INVS: variants seen among roughly 807,000 people sequenced by gnomAD.
The protein encoded by INVS is inversion of embryo turning homolog.
A neutral mutation model predicts 108.8 loss-of-function variants in INVS; 86 were observed. The observed-to-expected ratio is 0.79, with a 90% CI of 0.66 to 0.95. INVS has a LOEUF of 0.95. INVS is among the 40% of genes least tolerant of loss of function. INVS has a pLI of 0.00. For missense variants in INVS, 1,169 were observed against 1,297.4 expected (o/e 0.90, Z 1.52); for synonymous variants, 455 against 473.5 (o/e 0.96, Z 0.51).
chr9:100,260,730 GTGGGGGAAGCT>G (rs927089521), intron 10 of INVS, among the ~76,000 whole-genome samples: 1 of 152,158 alleles, frequency 6.6e-6, no homozygotes, highest in Non-Finnish European at 1.5e-5. Flanking sequence ...GATAACAACA[GTGGGGGAAGCT>G]TGGGGGGAGA....
intron 3 of INVS, among the ~76,000 whole-genome samples, chr9:100,218,338 T>C (rs1386502617): frequency 6.6e-6 from 1 of 152,134 alleles, no homozygotes; most frequent in African/African-American, 2.4e-5. Context: ...AGTATTGGTT[T>C]TGGGAAAACA....
At chr9:100,239,135 T>A (rs1480493901) in intron 5 of INVS, among the ~76,000 whole-genome samples, 1 of 152,208 alleles carries the variant, frequency 6.6e-6, no homozygotes, top group Non-Finnish European at 1.5e-5. Flanking sequence ...CTTCTAGCTG[T>A]CTAGCCTATG....
rs58458085 is a variant in INVS, at chr9:100,273,527, C to CTTT, written c.1784+476_1784+478dup. 2.2e-4 allele frequency among the ~76,000 whole-genome samples: 21 copies of CTTT among 96,316 alleles called. 1 individual carries two copies. The highest frequency in any genetic ancestry group is 1.3e-3 in the South Asian group (3 of 2,308). 63.2% of individuals were successfully genotyped at this position (96,316 alleles called of 152,430 possible). A position where few individuals can be genotyped will look rare whatever the true frequency, so the allele number is the denominator to read the frequency against. On this transcript the variant is annotated intron_variant, in intron 12 of 16. Coordinates refer to ENST00000262457, the MANE Select transcript of INVS (RefSeq NM_014425.5). The stretch of plus-strand genomic sequence containing the variant: ...ACTTGGTTTTTTTTTCCACTCAGTT[C>CTTT]TTTTTTTTTTTTTTTTTTTTTTTTT...
At chr9:100,146,550 G>T (rs1263237774) in intron 3 of INVS, among the ~76,000 whole-genome samples, 1 of 152,074 alleles carries the variant, frequency 6.6e-6, no homozygotes, top group East Asian at 1.9e-4. Context: ...TTTCACTTAG[G>T]ATAATGTTTT....
intron 3 of INVS, among the ~76,000 whole-genome samples, chr9:100,183,236 C>T (rs1829950177): frequency 6.6e-6 from 1 of 151,996 alleles, no homozygotes; most frequent in African/African-American, 2.4e-5. Context: ...AACCAACCTG[C>T]ACGTTCTGCA....
At chr9:100,131,512 T>C (rs1262268339) in intron 3 of INVS, among the ~76,000 whole-genome samples, 1 of 152,154 alleles carries the variant, frequency 6.6e-6, no homozygotes, top group Non-Finnish European at 1.5e-5. Flanking sequence ...TTTAGAACCA[T>C]CAGTTTAATC....
chr9:100,210,928 T>G (rs2118297934), intron 3 of INVS, among the ~76,000 whole-genome samples: 1 of 152,130 alleles, frequency 6.6e-6, no homozygotes, highest in Non-Finnish European at 1.5e-5. Flanking sequence ...TCCTAAGGAT[T>G]GAGAACTCCT....
rs1427109638 is a variant in INVS, at chr9:100,223,736, T to C, written c.274-2326T>C. Among the ~76,000 whole-genome samples, 4 of 152,372 alleles carry C rather than the reference T, an allele frequency of 2.6e-5. No homozygotes were observed. In the East Asian group the frequency reaches 7.7e-4, roughly 29 times the overall value. On this transcript the variant is annotated intron_variant, in intron 3 of 16. Coordinates refer to ENST00000262457, the MANE Select transcript of INVS (RefSeq NM_014425.5). ...GAGAGGAAATATCCAGCAGAGTCCG[T>C]TGGCTTTTCCACCTATTCCAAGTCT... is the stretch of plus-strand genomic sequence containing the variant.
At position 100,292,980 on chromosome 9, in the gene INVS, G is replaced by A; in HGVS notation, c.2723G>A (p.Arg908Lys). 1.2e-6 allele frequency: 2 copies of A among 1,613,734 alleles called. No homozygotes were observed. The highest frequency in any genetic ancestry group is 8.5e-7 in the Non-Finnish European group (1 of 1,179,614). ...LRLQIIQRER[R>K]RKELFRKKNK... ...CTGCAGATAATTCAGAGAGAACGAAGGAGGAAGGAGCTGTTTCGCAAAAAG... is the reference window on the plus strand; with the variant it reads ...CTGCAGATAATTCAGAGAGAACGAAAGAGGAAGGAGCTGTTTCGCAAAAAG... Residue 908 changes from arginine (R) to lysine (K), a missense_variant, in exon 14 of 17, where the codon AGG (arginine) becomes AAG (lysine). Coordinates refer to ENST00000262457, the MANE Select transcript of INVS (RefSeq NM_014425.5).
At chr9:100,115,812 G>A (rs928234137) in intron 2 of INVS, among the ~76,000 whole-genome samples, 1 of 152,178 alleles carries the variant, frequency 6.6e-6, no homozygotes, top group Non-Finnish European at 1.5e-5. Context: ...TATACACCCA[G>A]TAATGGGATG....
chr9:100,153,516 A>C (rs969396958), intron 3 of INVS, among the ~76,000 whole-genome samples: 2 of 152,226 alleles, frequency 1.3e-5, no homozygotes, highest in African/African-American at 4.8e-5. Flanking sequence ...TCAGATTGGC[A>C]AAACTCCAAA....
chr9:100,130,486 G>A (rs1297907983), intron 3 of INVS: 1 of 152,158 alleles, frequency 6.6e-6, no homozygotes, highest in South Asian at 2.1e-4. Flanking sequence ...ACAAGCGTTT[G>A]TTAAATATCT....
chr9:100,101,271 T>C (rs1009187969), intron 1 of INVS: 1 of 151,010 alleles, frequency 6.6e-6, no homozygotes, highest in Non-Finnish European at 1.5e-5. Context: ...GTGAACATGG[T>C]CTAACCTTAT....
chr9:100,259,857 A>G (rs558187375), intron 10 of INVS, among the ~76,000 whole-genome samples: 8 of 149,982 alleles, frequency 5.3e-5, no homozygotes, highest in Admixed American at 3.3e-4. Flanking sequence ...ACCCTATTAC[A>G]TGATTTTCTT....
chr9:100,173,848 T>A (rs2119047471), intron 3 of INVS, among the ~76,000 whole-genome samples: 1 of 152,222 alleles, frequency 6.6e-6, no homozygotes, highest in African/African-American at 2.4e-5. Flanking sequence ...AACCTAAACA[T>A]AGATGGGGAA....
Position 100,160,069 on chromosome 9 carries a change from T to C in INVS, c.273+33520T>C, listed in dbSNP as rs77288354. Among the ~76,000 whole-genome samples the C allele has an allele frequency of 4.4e-3, 671 of 152,298 alleles. 7 individuals carry two copies. Among genetic ancestry groups the C allele is most frequent in the African/African-American group, 0.015 (638 of 41,566 alleles). On this transcript the variant is annotated intron_variant, in intron 3 of 16. Transcript: ENST00000262457. The stretch of plus-strand genomic sequence containing the variant: ...CAGCATCAGGCTTTGCTCTGATGTA[T>C]CTTATGAAGCCTTTCTACTTCCAAA...
intron 3 of INVS, among the ~76,000 whole-genome samples, chr9:100,169,878 A>C (rs896426370): frequency 6.6e-6 from 1 of 152,192 alleles, no homozygotes; most frequent in Non-Finnish European, 1.5e-5. Flanking sequence ...CAAAAGAACT[A>C]AATGTGTGTA....
rs529869373 is a variant in INVS at position 100,301,975 on chromosome 9, C to T, written c.*1301C>T. The T allele has an allele frequency of 7.1e-5, 28 of 396,968 alleles. No individual in the cohort carries two copies. Among genetic ancestry groups the T allele is most frequent in the Non-Finnish European group, 1.2e-4 (26 of 222,600 alleles). 24.6% of individuals were successfully genotyped at this position (396,968 alleles called of 1,614,324 possible). ...TCCTATGAAATGCACAATGCACAAC[C>T]GCCTATGACCATGTATCGTGTGCTA... On this transcript the variant is annotated 3_prime_UTR_variant, in exon 17 of 17. Coordinates refer to ENST00000262457, the MANE Select transcript of INVS (RefSeq NM_014425.5).
chr9:100,270,934 A>G (rs1832936806), intron 11 of INVS, among the ~76,000 whole-genome samples: 1 of 144,534 alleles, frequency 6.9e-6, no homozygotes, highest in Admixed American at 6.9e-5. Flanking sequence ...AAAAAAAAAG[A>G]AAAAAAAAAA....
Sources: gnomAD v4.1 joint callset for allele counts (sites outside exome capture counted in the v4.1 genomes callset) on GRCh38, gnomAD v4.1.1 for gene constraint, MANE v1.5 for transcripts, NCBI Gene and HGNC (gene_info 2026-07-23, HGNC 2026-07-21) for gene names.